The following SYT1 variants were observed in gnomAD, a reference collection of about 807,000 sequenced individuals.
The protein encoded by SYT1 is synaptotagmin-1.
SYT1 carries 8 observed loss-of-function variants against 44.8 expected under a neutral mutation model. The ratio of observed to expected loss-of-function variants is 0.18; its 90% CI spans 0.10 to 0.32. The LOEUF (loss-of-function observed/expected upper bound fraction) is 0.32, where lower values mean the gene tolerates loss of function less well. Ranked by LOEUF, SYT1 falls within the 10% of genes least tolerant of loss-of-function variation. SYT1 has a pLI of 1.00. For synonymous variants in SYT1, 154 were observed against 188.8 expected, an observed-to-expected ratio of 0.82 and a Z score of 1.51; for missense variants, 286 against 509.3, an observed-to-expected ratio of 0.56 and a Z score of 4.22.
intron 3 of SYT1, among the ~76,000 whole-genome samples, chr12:79,189,745 A>T (rs796123793): frequency 6.6e-6 from 1 of 152,200 alleles, no homozygotes; most frequent in African/African-American, 2.4e-5. Flanking sequence ...CTCTACTAAA[A>T]ATACAAAAAT....
chr12:79,276,769 C>T (rs918693456), intron 4 of SYT1, among the ~76,000 whole-genome samples: 1 of 151,326 alleles, frequency 6.6e-6, no homozygotes, highest in Non-Finnish European at 1.5e-5. Flanking sequence ...TAAACTAGAC[C>T]AAGCAGATGA....
At chr12:78,925,973 A>T (rs754978288) in intron 1 of SYT1, among the ~76,000 whole-genome samples, 4 of 152,060 alleles carry the variant, frequency 2.6e-5, no homozygotes, top group Non-Finnish European at 5.9e-5. Flanking sequence ...ATTCCTTAAA[A>T]AGTAGAACAT....
chr12:79,379,261 G>C (rs566779915), intron 9 of SYT1, among the ~76,000 whole-genome samples: 2 of 152,218 alleles, frequency 1.3e-5, no homozygotes, highest in South Asian at 2.1e-4. Context: ...CAAGTCACTT[G>C]ATTACTTAAT....
At chr12:79,153,342 A>C (rs1230273393) in intron 3 of SYT1, among the ~76,000 whole-genome samples, 1 of 152,164 alleles carries the variant, frequency 6.6e-6, no homozygotes, top group Non-Finnish European at 1.5e-5. Flanking sequence ...CTAGCTAGCT[A>C]TCTGGAAAAT....
intron 2 of SYT1, among the ~76,000 whole-genome samples, chr12:79,026,699 A>ATATATATATATCTATCTATC (rs1164483809): frequency 1.5e-5 from 2 of 130,664 alleles, no homozygotes; most frequent in African/African-American, 5.7e-5. Context: ...ATATATATAT[A>ATATATATATATCTATCTATC]TATCACACTT....
At chr12:78,921,276 A>T (rs1271848945) in intron 1 of SYT1, among the ~76,000 whole-genome samples, 5 of 151,968 alleles carry the variant, frequency 3.3e-5, no homozygotes, top group Non-Finnish European at 7.4e-5. Flanking sequence ...TCCTCACTTT[A>T]CGACTATAAC....
At chr12:78,905,767 G>C (rs925442554) in intron 1 of SYT1, among the ~76,000 whole-genome samples, 1 of 151,576 alleles carries the variant, frequency 6.6e-6, no homozygotes, top group Non-Finnish European at 1.5e-5. Flanking sequence ...AGAGTTTTTT[G>C]ACCTTTTTAA....
intron 3 of SYT1, among the ~76,000 whole-genome samples, chr12:79,099,031 C>T (rs1878302981): frequency 6.6e-6 from 1 of 151,984 alleles, no homozygotes; most frequent in South Asian, 2.1e-4. Context: ...ATTGTAAGCA[C>T]AGGAAAGGAG....
At chr12:79,234,645 T>A (rs556286460) in intron 4 of SYT1, among the ~76,000 whole-genome samples, 1 of 152,276 alleles carries the variant, frequency 6.6e-6, no homozygotes, top group East Asian at 1.9e-4. Context: ...TGCTTATCCA[T>A]GTATTTCTTG....
chr12:79,138,396 C>T (rs1869334793), intron 3 of SYT1, among the ~76,000 whole-genome samples: 1 of 152,098 alleles, frequency 6.6e-6, no homozygotes, highest in Admixed American at 6.6e-5. Context: ...TTTAGTAATG[C>T]AATATTAAAT....
intron 3 of SYT1, among the ~76,000 whole-genome samples, chr12:79,160,766 T>A (rs1257823744): frequency 6.6e-6 from 1 of 152,100 alleles, no homozygotes; most frequent in Non-Finnish European, 1.5e-5. Flanking sequence ...AATCATCTAT[T>A]CATAGTGAGA....
At position 79,392,271 on chromosome 12, in the gene SYT1, A is replaced by G. The variant is rs183881633; in HGVS notation, c.928+38652A>G. 1.8e-4 allele frequency: 27 copies of G among 152,306 alleles called. No homozygotes were observed. In the East Asian group the frequency reaches 5.2e-3, roughly 29 times the overall value. 9.4% of individuals were successfully genotyped at this position (152,306 alleles called of 1,614,324 possible). ...GAAAAATGTTATTTAAAAAGTTTTT[A>G]TTTTCTAGCATATCTACAAAAATCA... On this transcript the variant is annotated intron_variant, in intron 9 of 10. Transcript: ENST00000261205.
At chr12:79,180,717 G>A (rs1356713180) in intron 3 of SYT1, among the ~76,000 whole-genome samples, 1 of 151,926 alleles carries the variant, frequency 6.6e-6, no homozygotes, top group East Asian at 1.9e-4. Flanking sequence ...CTATCATGAG[G>A]ACAGTATCAA....
In SYT1 at chr12:79,233,157, T is replaced by C. The variant is rs568715197; in HGVS notation, c.166+15472T>C. ...AGTCAAGATGCAAGCAGCCACCAAATTGGTCCTCCAGCTAAACAGTGTCCT... is the reference window on the plus strand; with the variant it reads ...AGTCAAGATGCAAGCAGCCACCAAACTGGTCCTCCAGCTAAACAGTGTCCT... On this transcript the variant is annotated intron_variant, in intron 4 of 10. Transcript: ENST00000261205. 1.2e-4 allele frequency among the ~76,000 whole-genome samples: 18 copies of C among 152,312 alleles called. No individual in the cohort carries two copies. In the East Asian group the frequency reaches 3.3e-3, roughly 28 times the overall value.
intron 3 of SYT1, among the ~76,000 whole-genome samples, chr12:79,179,456 A>ATCTATATAGATATAGATATAGAGAT (rs10643941): frequency 1.2e-5 from 1 of 86,688 alleles, no homozygotes. Context: ...ATATAGATAT[A>ATCTATATAGATATAGATATAGAGAT]ATCTATATAG....
At chr12:79,040,281 C>T (rs1403063732) in intron 2 of SYT1, among the ~76,000 whole-genome samples, 2 of 151,430 alleles carry the variant, frequency 1.3e-5, no homozygotes, top group Non-Finnish European at 3.0e-5. Context: ...CTCTCCAGCA[C>T]CTGTTGTTTC....
intron 1 of SYT1, among the ~76,000 whole-genome samples, chr12:78,879,206 G>T (rs1432666852): frequency 6.6e-6 from 1 of 151,674 alleles, no homozygotes; most frequent in East Asian, 1.9e-4. Flanking sequence ...AACAGCAATG[G>T]CTTTATATAG....
At chr12:79,440,605 T>A (rs1020669857) in intron 9 of SYT1, among the ~76,000 whole-genome samples, 2 of 152,184 alleles carry the variant, frequency 1.3e-5, no homozygotes, top group African/African-American at 2.4e-5. Flanking sequence ...TTTGTGAGTT[T>A]CATTACATCT....
intron 3 of SYT1, among the ~76,000 whole-genome samples, chr12:79,127,548 A>G (rs998679778): frequency 5.3e-5 from 8 of 151,648 alleles, no homozygotes; most frequent in African/African-American, 1.9e-4. Flanking sequence ...TAATGATAGT[A>G]CCTAGCTCAG....
Sources: gnomAD v4.1 joint callset for allele counts (sites outside exome capture counted in the v4.1 genomes callset) on GRCh38, gnomAD v4.1.1 for gene constraint, MANE v1.5 for transcripts, NCBI Gene and HGNC (gene_info 2026-07-23, HGNC 2026-07-21) for gene names.